Variants in PRTG observed in about 807,000 individuals in gnomAD.
The protein encoded by PRTG is immunoglobulin superfamily, DCC subclass, member 5.
PRTG carries 67 observed loss-of-function variants against 122.5 expected under a neutral mutation model. The observed-to-expected ratio is 0.55, with a 90% confidence interval of 0.45 to 0.67. The LOEUF is 0.67. PRTG is among the 30% of genes least tolerant of loss of function. The pLI is 0.00. For synonymous variants in PRTG, 554 were observed against 501.1 expected, an observed-to-expected ratio of 1.11 and a Z score of -1.41; for missense variants, 1,435 against 1,415.4, an observed-to-expected ratio of 1.01 and a Z score of -0.22.
chr15:55,730,052 A>C (rs774411363), intron 2 of PRTG, among the ~76,000 whole-genome samples: 3 of 152,218 alleles, frequency 2.0e-5, no homozygotes, highest in Non-Finnish European at 4.4e-5. Flanking sequence ...TTGCACAAAA[A>C]TGAAAGTCGC....
intron 8 of PRTG, among the ~76,000 whole-genome samples, chr15:55,676,034 G>T (rs571678426): frequency 2.0e-5 from 3 of 152,200 alleles, no homozygotes; most frequent in African/African-American, 7.2e-5. Flanking sequence ...AACTTTACTT[G>T]CTTCAACTCA....
intron 11 of PRTG, among the ~76,000 whole-genome samples, chr15:55,647,295 G>T (rs574078875): frequency 1.3e-5 from 2 of 152,086 alleles, no homozygotes; most frequent in Non-Finnish European, 2.9e-5. Context: ...AAAAAAGGAA[G>T]AGTCAGAGCC....
chr15:55,719,683 T>C (rs984396625), intron 2 of PRTG, among the ~76,000 whole-genome samples: 3 of 152,200 alleles, frequency 2.0e-5, no homozygotes, highest in African/African-American at 7.2e-5. Context: ...TATTTCTAGT[T>C]TAAAAATTAG....
At position 55,619,747 on chromosome 15, in the gene PRTG, T is replaced by C. The variant is rs2059156019; in HGVS notation, c.*265A>G. The C allele has an allele frequency of 6.9e-6, 3 of 434,778 alleles. No individual in the cohort carries two copies. In the East Asian group the frequency reaches 1.1e-4, roughly 17 times the overall value. 26.9% of individuals were successfully genotyped at this position (434,778 alleles called of 1,614,324 possible). On this transcript the variant is annotated 3_prime_UTR_variant, in exon 20 of 20. Transcript: ENST00000389286. ...TTTAAAAATAAAAAACAAAACACATTCAAAAAAAGCTAAAATACCCCATAA... is the reference window on the plus strand; with the variant it reads ...TTTAAAAATAAAAAACAAAACACATCCAAAAAAAGCTAAAATACCCCATAA...
In PRTG at chr15:55,618,754, T is replaced by C. The variant is rs1340402345; in HGVS notation, c.*1258A>G. The C allele has an allele frequency of 6.6e-6, 1 of 152,186 alleles. No homozygotes were observed. Among genetic ancestry groups the C allele is most frequent in the Non-Finnish European group, 1.5e-5 (1 of 68,026 alleles). 9.4% of individuals were successfully genotyped at this position (152,186 alleles called of 1,614,324 possible). A position where few individuals can be genotyped will look rare whatever the true frequency, so the allele number is the denominator to read the frequency against. On this transcript the variant is annotated 3_prime_UTR_variant, in exon 20 of 20. Transcript: ENST00000389286. ...ACTTAAAAAAAATGCCTTGGTAAGA[T>C]ACTATACATCAAAATAGTTACTGAT... is the stretch of plus-strand genomic sequence containing the variant.
chr15:55,670,896 G>A (rs544709015), intron 11 of PRTG, among the ~76,000 whole-genome samples: 18 of 118,702 alleles, frequency 1.5e-4, no homozygotes, highest in East Asian at 1.2e-3. Context: ...GTAAAACTCC[G>A]TCACAAACAC....
Position 55,680,091 on chromosome 15 carries a change from G to A in PRTG, c.936C>T (p.Arg312=), listed in dbSNP as rs1037545572. ...YVCRATTPGT[R]NFTVAMATLT... Reference sequence around the variant, plus strand: ...AAGTTGCCATAGCAACTGTAAAGTTGCGTGTGCCAGGGGTAGTGGCCCGAC... The same window carrying A: ...AAGTTGCCATAGCAACTGTAAAGTTACGTGTGCCAGGGGTAGTGGCCCGAC... The change falls in exon 6 of 20, where the codon CGC becomes CGT. Residue 312 remains arginine (R), a synonymous_variant. Coordinates refer to ENST00000389286, the MANE Select transcript of PRTG (RefSeq NM_173814.6). The A allele has an allele frequency of 6.2e-7, 1 of 1,613,788 alleles. No individual in the cohort carries two copies. The highest frequency in any genetic ancestry group is 2.2e-5 in the East Asian group (1 of 44,846).
At chr15:55,722,377 T>C (rs921422577) in intron 2 of PRTG, among the ~76,000 whole-genome samples, 1 of 151,734 alleles carries the variant, frequency 6.6e-6, no homozygotes, top group Admixed American at 6.6e-5. Flanking sequence ...AGCAAGAGTA[T>C]GCTTTCAATA....
chr15:55,660,714 T>C (rs2059405207), intron 11 of PRTG, among the ~76,000 whole-genome samples: 1 of 152,226 alleles, frequency 6.6e-6, no homozygotes, highest in Non-Finnish European at 1.5e-5. Context: ...AGGAAACTTT[T>C]ATTTGAGGTT....
intron 2 of PRTG, among the ~76,000 whole-genome samples, chr15:55,724,218 T>C (rs1287780574): frequency 6.6e-6 from 1 of 152,210 alleles, no homozygotes; most frequent in Non-Finnish European, 1.5e-5. Context: ...GTTCGATCTG[T>C]TATTTCACTA....
intron 10 of PRTG, 59 bp downstream of exon 10, chr15:55,673,312 G>A: frequency 8.2e-7 from 1 of 1,220,464 alleles, no homozygotes; most frequent in Non-Finnish European, 1.1e-6. Flanking sequence ...ATTTAGAGAA[G>A]AAAAACTTGA....
intron 2 of PRTG, among the ~76,000 whole-genome samples, chr15:55,707,812 T>C (rs745971758): frequency 1.2e-4 from 18 of 152,154 alleles, no homozygotes; most frequent in Admixed American, 2.0e-4. Context: ...ATAACAAATG[T>C]CACAGAAAAG....
intron 2 of PRTG, among the ~76,000 whole-genome samples, chr15:55,689,130 A>G (rs994425488): frequency 6.6e-6 from 1 of 152,068 alleles, no homozygotes; most frequent in African/African-American, 2.4e-5. Context: ...CCTCTTCAAA[A>G]CACTCCAGAC....
At chr15:55,637,999 T>A (rs1281099295) in intron 14 of PRTG, among the ~76,000 whole-genome samples, 1 of 152,194 alleles carries the variant, frequency 6.6e-6, no homozygotes, top group Non-Finnish European at 1.5e-5. Context: ...TCTCTCTGTA[T>A]AATTAAAATA....
chr15:55,719,975 G>T (rs1251415488), intron 2 of PRTG, among the ~76,000 whole-genome samples: 3 of 152,072 alleles, frequency 2.0e-5, no homozygotes, highest in Non-Finnish European at 4.4e-5. Context: ...CAAGAGAACT[G>T]CTTGAACTGG....
At chr15:55,636,968 G>A (rs1334170270) in intron 15 of PRTG, among the ~76,000 whole-genome samples, 2 of 152,142 alleles carry the variant, frequency 1.3e-5, no homozygotes, top group Non-Finnish European at 2.9e-5. Flanking sequence ...ATTAACAAAA[G>A]TAACAGTAAC....
chr15:55,645,047 T>C (rs1048484758), intron 11 of PRTG, among the ~76,000 whole-genome samples: 8 of 152,158 alleles, frequency 5.3e-5, no homozygotes, highest in African/African-American at 1.9e-4. Context: ...CTAGTCATAA[T>C]ATTATTTTGG....
intron 2 of PRTG, among the ~76,000 whole-genome samples, chr15:55,698,338 T>A (rs1334364889): frequency 6.6e-6 from 1 of 152,178 alleles, no homozygotes; most frequent in Non-Finnish European, 1.5e-5. Context: ...TCACCCAGGC[T>A]GGAGTGCAGT....
At position 55,703,382 on chromosome 15, in the gene PRTG, T is replaced by C. The variant is rs555375830; in HGVS notation, c.398-19451A>G. Among the ~76,000 whole-genome samples, 4 of 152,254 alleles carry C rather than the reference T, an allele frequency of 2.6e-5. No individual in the cohort carries two copies. In the South Asian group the frequency reaches 8.3e-4, roughly 32 times the overall value. The stretch of plus-strand genomic sequence containing the variant: ...GGCTCTTCAGCTACCCCTTGGCTCA[T>C]GTTCTGCTGGACTGATGGAGCCCAC... On this transcript the variant is annotated intron_variant, in intron 2 of 19. Coordinates refer to ENST00000389286, the MANE Select transcript of PRTG (RefSeq NM_173814.6).
Sources: allele counts gnomAD v4.1 joint callset (sites outside exome capture counted in the v4.1 genomes callset), GRCh38; gene constraint gnomAD v4.1.1; transcripts MANE v1.5; gene names NCBI Gene and HGNC (gene_info 2026-07-23, HGNC 2026-07-21).